RCAN2: variants seen among roughly 807,000 people sequenced by gnomAD.
RCAN2 encodes the protein regulator of calcineurin 2.
RCAN2 carries 9 observed loss-of-function variants against 23.6 expected under a neutral mutation model. The ratio of observed to expected loss-of-function variants is 0.38; its 90% CI spans 0.23 to 0.67. The LOEUF (loss-of-function observed/expected upper bound fraction) is 0.67, where lower values mean the gene tolerates loss of function less well. Ranked by LOEUF, RCAN2 falls within the 30% of genes least tolerant of loss-of-function variation. The pLI is 0.51. For missense variants in RCAN2, 273 were observed against 302.3 expected, an observed-to-expected ratio of 0.90 and a Z score of 0.72; for synonymous variants, 109 against 115.7, an observed-to-expected ratio of 0.94 and a Z score of 0.37.
At chr6:46,255,126 A>G (rs1451223237) in intron 2 of RCAN2, among the ~76,000 whole-genome samples, 1 of 152,210 alleles carries the variant, frequency 6.6e-6, no homozygotes, top group Non-Finnish European at 1.5e-5. Flanking sequence ...AGCCTTGCAG[A>G]CCTACAGAAC....
chr6:46,345,773 A>T (rs1764464142), intron 2 of RCAN2, among the ~76,000 whole-genome samples: 1 of 152,170 alleles, frequency 6.6e-6, no homozygotes, highest in African/African-American at 2.4e-5. Context: ...GTTCTTTCCA[A>T]ATTGAGCCAG....
intron 2 of RCAN2, among the ~76,000 whole-genome samples, chr6:46,376,391 C>T (rs1765460740): frequency 6.6e-6 from 1 of 152,184 alleles, no homozygotes; most frequent in African/African-American, 2.4e-5. Flanking sequence ...CAACTGATGC[C>T]ATCATTAAGA....
At chr6:46,286,497 A>C (rs1762377454) in intron 2 of RCAN2, among the ~76,000 whole-genome samples, 1 of 152,224 alleles carries the variant, frequency 6.6e-6, no homozygotes, top group African/African-American at 2.4e-5. Flanking sequence ...CTGATTTCTA[A>C]GGACAGATAG....
At position 46,259,930 on chromosome 6, in the gene RCAN2, G is replaced by T. The variant is rs569949195; in HGVS notation, c.226-11034C>A. The stretch of plus-strand genomic sequence containing the variant: ...CATAGAGCAAGGTATGCGAGAAGGG[G>T]CACTGGGCTTCCATGCTCCTCTCTG... On this transcript the variant is annotated intron_variant, in intron 2 of 4. Coordinates refer to ENST00000371374, the MANE Select transcript of RCAN2 (RefSeq NM_001251974.2). Among the ~76,000 whole-genome samples the T allele has an allele frequency of 5.9e-5, 9 of 152,316 alleles. No individual in the cohort carries two copies. In the East Asian group the frequency reaches 1.7e-3, roughly 29 times the overall value.
chr6:46,235,731 A>G (rs1766068622), intron 4 of RCAN2, among the ~76,000 whole-genome samples: 1 of 151,688 alleles, frequency 6.6e-6, no homozygotes, highest in African/African-American at 2.4e-5. Context: ...ACTATTGAAC[A>G]TTGCTTGTCA....
chr6:46,422,870 T>C (rs1534365), intron 2 of RCAN2, among the ~76,000 whole-genome samples: 62,191 of 152,168 alleles, frequency 0.41, 15,686 homozygotes, highest in East Asian at 0.59. Context: ...GTTAGCACAG[T>C]ACTACTGATG....
intron 2 of RCAN2, among the ~76,000 whole-genome samples, chr6:46,296,066 CGT>C (rs60947209): frequency 0.019 from 2,647 of 138,448 alleles, 44 homozygotes; most frequent in African/African-American, 0.043. Context: ...CCAATAGCTT[CGT>C]GTGTGTGTGT....
chr6:46,309,896 C>G (rs116431382), intron 2 of RCAN2, among the ~76,000 whole-genome samples: 1,708 of 152,258 alleles, frequency 0.011, 28 homozygotes, highest in African/African-American at 0.039. Flanking sequence ...ATTTGGCTTG[C>G]AGGTGGCCAA....
chr6:46,234,058 C>T (rs944698816), intron 4 of RCAN2, among the ~76,000 whole-genome samples: 10 of 152,092 alleles, frequency 6.6e-5, no homozygotes, highest in African/African-American at 2.4e-4. Context: ...ATGCATTTAC[C>T]ACTTTAGAAG....
chr6:46,289,745 T>A (rs1348133751), intron 2 of RCAN2, among the ~76,000 whole-genome samples: 1 of 152,216 alleles, frequency 6.6e-6, no homozygotes, highest in Non-Finnish European at 1.5e-5. Flanking sequence ...AAGGCATTGC[T>A]AATTATGGAT....
chr6:46,328,505 G>T (rs1324107862), intron 2 of RCAN2, among the ~76,000 whole-genome samples: 2 of 152,180 alleles, frequency 1.3e-5, no homozygotes, highest in Admixed American at 1.3e-4. Flanking sequence ...CCAACTTATT[G>T]GGTTTTTAAT....
At chr6:46,314,841 G>A (rs1056942549) in intron 2 of RCAN2, among the ~76,000 whole-genome samples, 10 of 152,128 alleles carry the variant, frequency 6.6e-5, no homozygotes, top group African/African-American at 1.7e-4. Flanking sequence ...CAGGCAGATC[G>A]CTTGAGCTCA....
chr6:46,259,010 T>G (rs1439963772), intron 2 of RCAN2, among the ~76,000 whole-genome samples: 1 of 152,012 alleles, frequency 6.6e-6, no homozygotes, highest in Non-Finnish European at 1.5e-5. Context: ...AGCAAAATAA[T>G]AGAAAACTAA....
At chr6:46,334,567 G>C (rs80228721) in intron 2 of RCAN2, among the ~76,000 whole-genome samples, 2 of 152,164 alleles carry the variant, frequency 1.3e-5, no homozygotes, top group Non-Finnish European at 2.9e-5. Flanking sequence ...ATGGTGGGGT[G>C]GGGGCAGGAG....
At chr6:46,241,570 G>A (rs139610541) in intron 4 of RCAN2, among the ~76,000 whole-genome samples, 322 of 152,306 alleles carry the variant, frequency 2.1e-3, no homozygotes, top group African/African-American at 7.3e-3. Context: ...TAAAATGTGA[G>A]GGAACGAAAG....
At chr6:46,414,833 A>G (rs1766658763) in intron 2 of RCAN2, among the ~76,000 whole-genome samples, 1 of 152,112 alleles carries the variant, frequency 6.6e-6, no homozygotes, top group Non-Finnish European at 1.5e-5. Context: ...TATTCATCCT[A>G]TTGGTTCTGT....
chr6:46,267,789 C>T (rs540399098), intron 2 of RCAN2, among the ~76,000 whole-genome samples: 23 of 152,140 alleles, frequency 1.5e-4, no homozygotes, highest in Non-Finnish European at 2.8e-4. Flanking sequence ...ACTTTAAATA[C>T]AAATCTCAAG....
chr6:46,342,533 T>C (rs139774463), intron 2 of RCAN2, among the ~76,000 whole-genome samples: 1 of 96,228 alleles, frequency 1.0e-5, no homozygotes, highest in East Asian at 4.5e-4. Flanking sequence ...GCCTGAGTGA[T>C]AGGGTGAGAC....
At chr6:46,226,197 T>C (rs1278351784) in intron 4 of RCAN2, among the ~76,000 whole-genome samples, 1 of 152,200 alleles carries the variant, frequency 6.6e-6, no homozygotes, top group African/African-American at 2.4e-5. Flanking sequence ...AGACTTGTAG[T>C]ATAGTTTGAA....
Sources: gnomAD v4.1 joint callset for allele counts (sites outside exome capture counted in the v4.1 genomes callset) on GRCh38, gnomAD v4.1.1 for gene constraint, MANE v1.5 for transcripts, NCBI Gene and HGNC (gene_info 2026-07-23, HGNC 2026-07-21) for gene names.